CCDC51: variants seen among roughly 807,000 people sequenced by gnomAD.
CCDC51 encodes the protein mitochondrial potassium channel.
CCDC51 carries 25 observed loss-of-function variants against 24.8 expected under a neutral mutation model. That is an observed-to-expected ratio of 1.01 (90% CI 0.73 to 1.41). The LOEUF is 1.41. Among genes scored for constraint, CCDC51 ranks in the 40% most tolerant of loss-of-function variants. CCDC51 has a pLI of 0.00. For synonymous variants in CCDC51, 190 were observed against 204.3 expected (o/e 0.93, Z 0.60); for missense variants, 466 against 519.1 (o/e 0.90, Z 0.99).
At position 48,433,960 on chromosome 3, in the gene CCDC51, G is replaced by C. The variant is rs1355606235; in HGVS notation, c.313-89C>G. 11 of 1,529,162 alleles carry C rather than the reference G, an allele frequency of 7.2e-6. No individual in the cohort carries two copies. The highest frequency in any genetic ancestry group is 9.6e-6 in the Non-Finnish European group (11 of 1,140,584). The allele number at this position is 1,529,162 out of a possible 1,614,324, so 94.7% of individuals were successfully genotyped here. ...TTCCCAGCAAGGCATTCCCAGAAGA[G>C]GTCACTGGGGTGTGAGCTGCAAAGG... On this transcript the variant is annotated intron_variant, in intron 2 of 3. Transcript: ENST00000395694. This position sits in a 1 kb window ranked among gnomAD's most constrained non-coding sequence, Gnocchi z 4.4.
At chr3:48,444,026 T>G, upstream of CCDC51, 4 of 626,052 alleles carry the variant, frequency 6.4e-6, no homozygotes, top group Non-Finnish European at 2.4e-6. Flanking sequence ...AATAAACTTT[T>G]GTAAAAAAAG....
At chr3:48,440,642 G>A (rs1401525374), upstream of CCDC51, 2 of 1,607,156 alleles carry the variant, frequency 1.2e-6, no homozygotes, top group Non-Finnish European at 1.7e-6. Context: ...AGTGGGGGCC[G>A]AATGGAGCTC....
chr3:48,433,303 G>A lies in CCDC51; in HGVS notation c.478-137C>T, dbSNP rs552252732. 1.2e-5 allele frequency: 10 copies of A among 835,092 alleles called. No individual in the cohort carries two copies. In the African/African-American group the frequency reaches 1.7e-4, roughly 14 times the overall value. 51.7% of individuals were successfully genotyped at this position (835,092 alleles called of 1,614,324 possible). ...GACCCATGCTGAATGAATGAAGGTA[G>A]CACCAACCTGGCTGGGTCAGAAGGG... On this transcript the variant is annotated intron_variant, in intron 3 of 3. Coordinates refer to ENST00000395694, the MANE Select transcript of CCDC51 (RefSeq NM_001256964.2). This position sits in a 1 kb window ranked among gnomAD's most constrained non-coding sequence, Gnocchi z 4.4.
In CCDC51 at chr3:48,433,203, C is replaced by T. The variant is rs779968565; in HGVS notation, c.478-37G>A. ...AAGCCATGTTATTGGATTACATGGG[C>T]ACAAGGTGGCCCTGCAGCTATAGCC... On this transcript the variant is annotated intron_variant, in intron 3 of 3. Coordinates refer to ENST00000395694, the MANE Select transcript of CCDC51 (RefSeq NM_001256964.2). The surrounding 1 kb of genome is among the most constrained non-coding windows in gnomAD (Gnocchi z 4.4). 2.5e-6 allele frequency: 4 copies of T among 1,590,924 alleles called. No individual in the cohort carries two copies. Among genetic ancestry groups the T allele is most frequent in the Non-Finnish European group, 3.4e-6 (4 of 1,167,168 alleles).
chr3:48,441,941 A>G (rs1382329970), upstream of CCDC51, among the ~76,000 whole-genome samples: 2 of 152,278 alleles, frequency 1.3e-5, no homozygotes, highest in Admixed American at 6.5e-5. Context: ...CCTTTTCAGA[A>G]TGGTGTAAGG....
intron 1 of CCDC51, among the ~76,000 whole-genome samples, chr3:48,436,974 C>T (rs2039374547): frequency 6.6e-6 from 1 of 152,234 alleles, no homozygotes; most frequent in South Asian, 2.1e-4. Context: ...TCCCATTTCA[C>T]CTGGCGGTGG....
At position 48,433,298 on chromosome 3, in the gene CCDC51, A is replaced by C. The variant is rs1034343027; in HGVS notation, c.478-132T>G. 29 of 869,616 alleles carry C rather than the reference A, an allele frequency of 3.3e-5. No homozygotes were observed. In the African/African-American group the frequency reaches 4.1e-4, roughly 12 times the overall value. 53.9% of individuals were successfully genotyped at this position (869,616 alleles called of 1,614,324 possible). ...CCATAGACCCATGCTGAATGAATGA[A>C]GGTAGCACCAACCTGGCTGGGTCAG... On this transcript the variant is annotated intron_variant, in intron 3 of 3. Transcript: ENST00000395694. The surrounding 1 kb of genome is among the most constrained non-coding windows in gnomAD (Gnocchi z 4.4).
In CCDC51 at chr3:48,433,513, C is replaced by A. The variant is rs938734657; in HGVS notation, c.477+194G>T. ...GGCTACGCTGCCCTGAAGAGTTGGC[C>A]CCAGTACTCCAGAAGAAAGTATATG... On this transcript the variant is annotated intron_variant, in intron 3 of 3. Transcript: ENST00000395694. The surrounding 1 kb of genome is among the most constrained non-coding windows in gnomAD (Gnocchi z 4.4). Among the ~76,000 whole-genome samples the A allele has an allele frequency of 2.0e-5, 3 of 152,142 alleles. No individual in the cohort carries two copies. The highest frequency in any genetic ancestry group is 2.9e-5 in the Non-Finnish European group (2 of 68,040).
At chr3:48,443,790 G>A, upstream of CCDC51, 1 of 1,446,800 alleles carries the variant, frequency 6.9e-7, no homozygotes, top group Non-Finnish European at 9.2e-7. Flanking sequence ...GCAGGCCCGT[G>A]GGGCTTCTAC....
rs192831552 is a variant in CCDC51, at chr3:48,438,861, G to T, written c.-9+1127C>A. 1.7e-4 allele frequency among the ~76,000 whole-genome samples: 26 copies of T among 152,228 alleles called. No individual in the cohort carries two copies. In the East Asian group the frequency reaches 4.4e-3, roughly 26 times the overall value. The stretch of plus-strand genomic sequence containing the variant: ...AAGGTAAAAGCCTGTCTTTTCCATG[G>T]CCTACAGGGAACCTACCCACTGGCT... On this transcript the variant is annotated intron_variant, in intron 1 of 3. Transcript: ENST00000395694.
chr3:48,440,803 G>C, upstream of CCDC51: 3 of 645,302 alleles, frequency 4.6e-6, no homozygotes, highest in Admixed American at 2.9e-5. Flanking sequence ...TAAGGGCCGG[G>C]AGCTGGAAAC....
upstream of CCDC51, among the ~76,000 whole-genome samples, chr3:48,444,598 C>G (rs2039633735): frequency 6.6e-6 from 1 of 152,096 alleles, no homozygotes; most frequent in Non-Finnish European, 1.5e-5. Flanking sequence ...AAAAGAAAAC[C>G]CATCTTTATG....
At chr3:48,444,747 G>T (rs2039635671), upstream of CCDC51, among the ~76,000 whole-genome samples, 2 of 152,186 alleles carry the variant, frequency 1.3e-5, no homozygotes, top group Middle Eastern at 3.2e-3. Context: ...GAAGAGGCAG[G>T]GCAGGGCAAA....
rs146341244 is a variant in CCDC51, at chr3:48,437,571, G to A, written c.-9+2417C>T. 4.6e-4 allele frequency among the ~76,000 whole-genome samples: 70 copies of A among 152,252 alleles called. 1 individual carries two copies. Among genetic ancestry groups the A allele is most frequent in the African/African-American group, 1.7e-3 (69 of 41,552 alleles). ...AAGAGTGGATGGAGAGGCTGGATAG[G>A]TGAAGCAGGGCCCTGAGGGTCAAGT... On this transcript the variant is annotated intron_variant, in intron 1 of 3. Transcript: ENST00000395694. The surrounding 1 kb of genome is among the most constrained non-coding windows in gnomAD (Gnocchi z 4.2).
chr3:48,434,889 C>A lies in CCDC51; in HGVS notation c.240G>T (p.Lys80Asn). The part of the protein sequence containing the change: ...SIQQRATSTA[K>N]TWWDRYEEFV... ...ACTCTTCATATCTGTCCCACCAAGT[C>A]TTGGCTGTGGAGGTCGCTCGTTGCT... is the stretch of plus-strand genomic sequence containing the variant. The change falls in exon 2 of 4, where the codon AAG becomes AAT. Residue 80 changes from lysine to asparagine, a missense_variant. Physicochemically the swap from Lys to Asn is moderately conservative, Grantham distance 94. Transcript: ENST00000395694. 6.2e-7 allele frequency: 1 copy of A among 1,614,232 alleles called. No individual in the cohort carries two copies.
chr3:48,440,087 T>G lies in CCDC51; in HGVS notation c.-108A>C, dbSNP rs977053260. ...TCTACCCTGGCAGGACAACCCTAGCTCCTCGTACCTGGCGTGGCCCGACCA... is the reference window on the plus strand; with the variant it reads ...TCTACCCTGGCAGGACAACCCTAGCGCCTCGTACCTGGCGTGGCCCGACCA... On this transcript the variant is annotated 5_prime_UTR_variant, in exon 1 of 4. Transcript: ENST00000395694. 9 of 776,098 alleles carry G rather than the reference T, an allele frequency of 1.2e-5. No homozygotes were observed. In the East Asian group the frequency reaches 2.5e-4, roughly 21 times the overall value. The allele number at this position is 776,098 out of a possible 1,614,324, so 48.1% of individuals were successfully genotyped here.
upstream of CCDC51, chr3:48,444,892 TG>T (rs2107175443): frequency 6.6e-6 from 1 of 152,232 alleles, no homozygotes; most frequent in East Asian, 1.9e-4. Context: ...GGGTTGGGGG[TG>T]AGGCAAAATG....
upstream of CCDC51, chr3:48,444,279 T>C (rs1157056405): frequency 6.4e-6 from 1 of 156,716 alleles, no homozygotes; most frequent in African/African-American, 2.4e-5. Flanking sequence ...TTGCACTTTT[T>C]TTTGGTGGGG....
the CCDC51 span, among the ~76,000 whole-genome samples, chr3:48,445,799 C>CT: frequency 1.3e-5 from 2 of 152,208 alleles, no homozygotes; most frequent in African/African-American, 4.8e-5. Flanking sequence ...GCAGGTAAGG[C>CT]TGAAAGAGTC....
Sources: allele counts gnomAD v4.1 joint callset (sites outside exome capture counted in the v4.1 genomes callset), GRCh38; gene constraint gnomAD v4.1.1; non-coding constraint Gnocchi (gnomAD v3.1); transcripts MANE v1.5; gene names NCBI Gene and HGNC (gene_info 2026-07-23, HGNC 2026-07-21).